ARHGAP15: variants seen among roughly 807,000 people sequenced by gnomAD.
ARHGAP15 encodes the protein rho GTPase-activating protein 15.
A neutral mutation model predicts 63.7 loss-of-function variants in ARHGAP15; 51 were observed. That is an observed-to-expected ratio of 0.80 (90% CI 0.64 to 1.01). The LOEUF is 1.01. Among genes scored for constraint, ARHGAP15 ranks in the 50% least tolerant of loss-of-function variants. The pLI is 0.00. For synonymous variants in ARHGAP15, 191 were observed against 193.8 expected (o/e 0.99, Z 0.12); for missense variants, 560 against 564.6 (o/e 0.99, Z 0.08).
At chr2:143,322,514 A>G (rs565436884) in intron 6 of ARHGAP15, among the ~76,000 whole-genome samples, 1 of 152,384 alleles carries the variant, frequency 6.6e-6, no homozygotes, top group African/African-American at 2.4e-5. Flanking sequence ...TAAATGTAGA[A>G]ATACAATAAT....
chr2:143,459,198 G>A (rs1283760922), intron 8 of ARHGAP15, among the ~76,000 whole-genome samples: 1 of 152,096 alleles, frequency 6.6e-6, no homozygotes, highest in African/African-American at 2.4e-5. Context: ...TTGCAGTGGG[G>A]TATAGGAAAT....
In ARHGAP15 at chr2:143,250,309, T is replaced by A. The variant is rs141761862; in HGVS notation, c.385-202T>A. Among the ~76,000 whole-genome samples, 177 of 152,226 alleles carry A rather than the reference T, an allele frequency of 1.2e-3. 1 individual carries two copies. The highest frequency in any genetic ancestry group is 4.1e-3 in the African/African-American group (170 of 41,572). On this transcript the variant is annotated intron_variant, in intron 5 of 13. Transcript: ENST00000295095. ...TGGTTTATAGTTAATTAAATAATTT[T>A]AAAAATAAGTCTGTAATTTTAGACA...
intron 13 of ARHGAP15, among the ~76,000 whole-genome samples, chr2:143,728,248 T>C (rs1177355548): frequency 6.6e-6 from 1 of 152,208 alleles, no homozygotes. Flanking sequence ...GTGCTTTTTT[T>C]CCCTGGTGTC....
At chr2:143,432,433 G>A (rs547048520) in intron 6 of ARHGAP15, among the ~76,000 whole-genome samples, 29 of 152,124 alleles carry the variant, frequency 1.9e-4, no homozygotes, top group African/African-American at 6.7e-4. Flanking sequence ...AATTAGCATA[G>A]TAAAGCTCCA....
chr2:143,626,562 G>A (rs1486396280), intron 12 of ARHGAP15, among the ~76,000 whole-genome samples: 4 of 152,096 alleles, frequency 2.6e-5, no homozygotes, highest in Admixed American at 1.3e-4. Context: ...GACCCCAGCG[G>A]GTTACCCCTG....
At chr2:143,216,535 C>A in intron 4 of ARHGAP15, 90 bp downstream of exon 4, 1 of 889,268 alleles carries the variant, frequency 1.1e-6, no homozygotes, top group Non-Finnish European at 1.8e-6. Context: ...GGATGCAAGT[C>A]CCTATGGTAC....
rs372029409 is a variant in ARHGAP15 at position 143,462,187 on chromosome 2, G to A, written c.703+25145G>A. Among the ~76,000 whole-genome samples the A allele has an allele frequency of 9.2e-5, 14 of 152,100 alleles. No homozygotes were observed. In the East Asian group the frequency reaches 9.7e-4, roughly 11 times the overall value. On this transcript the variant is annotated intron_variant, in intron 8 of 13. Transcript: ENST00000295095. Reference sequence around the variant, plus strand: ...TAAAATAAAATAGACTTATTACCAGGTGCACATGATATGTAAAGTTGGTTG... The same window carrying A: ...TAAAATAAAATAGACTTATTACCAGATGCACATGATATGTAAAGTTGGTTG...
chr2:143,451,287 A>T (rs1304347747), intron 8 of ARHGAP15, among the ~76,000 whole-genome samples: 2 of 151,914 alleles, frequency 1.3e-5, no homozygotes, highest in African/African-American at 4.8e-5. Context: ...TATGTCTACA[A>T]ATGTATTTTC....
At chr2:143,259,731 G>A (rs999691934) in intron 6 of ARHGAP15, among the ~76,000 whole-genome samples, 4 of 152,118 alleles carry the variant, frequency 2.6e-5, no homozygotes, top group East Asian at 1.9e-4. Flanking sequence ...CTGTCTTGTC[G>A]TGGAATGGAG....
intron 12 of ARHGAP15, among the ~76,000 whole-genome samples, chr2:143,670,825 C>T (rs1303406660): frequency 6.6e-6 from 1 of 152,152 alleles, no homozygotes; most frequent in Non-Finnish European, 1.5e-5. Flanking sequence ...AAAATAATTG[C>T]TTTGCATATT....
chr2:143,730,956 T>G (rs1685506821), intron 13 of ARHGAP15, among the ~76,000 whole-genome samples: 5 of 119,900 alleles, frequency 4.2e-5, no homozygotes, highest in Non-Finnish European at 6.5e-5. Context: ...TGATTCAGTG[T>G]GCACAGAATT....
At chr2:143,370,523 C>CAA (rs61262566) in intron 6 of ARHGAP15, among the ~76,000 whole-genome samples, 95,740 of 151,806 alleles carry the variant, frequency 0.63, 30,840 homozygotes, top group African/African-American at 0.76. Context: ...ACTATTGTAT[C>CAA]AAGTCATACT....
chr2:143,699,025 T>C (rs1282221615), intron 12 of ARHGAP15, among the ~76,000 whole-genome samples: 7 of 152,204 alleles, frequency 4.6e-5, no homozygotes, highest in African/African-American at 1.7e-4. Context: ...TGAAGACAGT[T>C]GACACATCTT....
intron 13 of ARHGAP15, among the ~76,000 whole-genome samples, chr2:143,725,859 T>G (rs11893109): frequency 1.9e-3 from 290 of 152,276 alleles, no homozygotes; most frequent in African/African-American, 6.7e-3. Flanking sequence ...TGGGACCAAA[T>G]GATTTTTCCC....
At position 143,333,819 on chromosome 2, in the gene ARHGAP15, G is replaced by T. The variant is rs183815838; in HGVS notation, c.474+83219G>T. Among the ~76,000 whole-genome samples the T allele has an allele frequency of 2.6e-3, 396 of 152,326 alleles. 2 individuals are homozygous for T. The highest frequency in any genetic ancestry group is 8.5e-3 in the African/African-American group (353 of 41,568). ...AACAGGAAAAAGATGGATACATTGG[G>T]TGGTAAACATTGCTTCAGGCTAGAA... On this transcript the variant is annotated intron_variant, in intron 6 of 13. Transcript: ENST00000295095.
At chr2:143,674,986 G>C (rs571745050) in intron 12 of ARHGAP15, among the ~76,000 whole-genome samples, 1 of 152,288 alleles carries the variant, frequency 6.6e-6, no homozygotes, top group East Asian at 1.9e-4. Context: ...GCTCTAGCGT[G>C]CAGTGCCGCT....
intron 8 of ARHGAP15, among the ~76,000 whole-genome samples, chr2:143,463,038 C>T (rs1691028332): frequency 6.6e-6 from 1 of 152,098 alleles, no homozygotes; most frequent in African/African-American, 2.4e-5. Context: ...CAGCCCAACA[C>T]AAATTCATAA....
chr2:143,472,601 G>GT (rs1172020322), intron 8 of ARHGAP15, among the ~76,000 whole-genome samples: 10 of 151,920 alleles, frequency 6.6e-5, no homozygotes, highest in African/African-American at 2.2e-4. Context: ...CATCAGTATT[G>GT]TGAGGTTTAA....
chr2:143,722,365 C>T (rs1685098551), intron 13 of ARHGAP15, among the ~76,000 whole-genome samples: 1 of 152,034 alleles, frequency 6.6e-6, no homozygotes, highest in African/African-American at 2.4e-5. Context: ...TACTTGCCAA[C>T]AATATATAAA....
Sources: allele counts gnomAD v4.1 joint callset (sites outside exome capture counted in the v4.1 genomes callset), GRCh38; gene constraint gnomAD v4.1.1; transcripts MANE v1.5; gene names NCBI Gene and HGNC (gene_info 2026-07-23, HGNC 2026-07-21).